CFAP299: variants seen among roughly 807,000 people sequenced by gnomAD.
The protein encoded by CFAP299 is cilia- and flagella-associated protein 299.
A neutral mutation model predicts 27.0 loss-of-function variants in CFAP299; 21 were observed. The observed-to-expected ratio is 0.78, with a 90% CI of 0.55 to 1.12. CFAP299 has a LOEUF of 1.12. CFAP299 is among the 50% of genes most tolerant of loss of function. The pLI is 0.00. For missense variants in CFAP299, 310 were observed against 276.6 expected (o/e 1.12, Z -0.86); for synonymous variants, 104 against 98.1 (o/e 1.06, Z -0.36).
At chr4:80,782,781 T>C (rs920579257) in intron 3 of CFAP299, among the ~76,000 whole-genome samples, 2 of 147,688 alleles carry the variant, frequency 1.4e-5, no homozygotes, top group Admixed American at 6.9e-5. Flanking sequence ...TCATATATAA[T>C]ATACATATAT....
chr4:80,911,075 T>A (rs1735447347), intron 4 of CFAP299, among the ~76,000 whole-genome samples: 1 of 152,094 alleles, frequency 6.6e-6, no homozygotes, highest in African/African-American at 2.4e-5. Context: ...AGTACTTATA[T>A]TTTAATGTAT....
intron 2 of CFAP299, among the ~76,000 whole-genome samples, chr4:80,409,439 C>G (rs1281082751): frequency 6.6e-6 from 1 of 152,062 alleles, no homozygotes; most frequent in Non-Finnish European, 1.5e-5. Context: ...ATAAAGTTTC[C>G]CATACATTTT....
chr4:80,644,773 T>G (rs951086478), intron 3 of CFAP299, among the ~76,000 whole-genome samples: 1 of 152,174 alleles, frequency 6.6e-6, no homozygotes, highest in Non-Finnish European at 1.5e-5. Flanking sequence ...TTGTCCCATG[T>G]GTGACTCCAA....
At chr4:80,759,671 G>A (rs974779558) in intron 3 of CFAP299, among the ~76,000 whole-genome samples, 3 of 152,086 alleles carry the variant, frequency 2.0e-5, no homozygotes, top group African/African-American at 7.2e-5. Context: ...TTATTTTGTT[G>A]TTGTTAGAGT....
chr4:80,437,646 A>C lies in CFAP299; in HGVS notation c.242+74762A>C, dbSNP rs150096160. On this transcript the variant is annotated intron_variant, in intron 2 of 5. Transcript: ENST00000358105. ...CACTATCTCCATCTACCAGAGTTATAAGATACATCTTCCAAGGCTGGTCAC... is the reference window on the plus strand; with the variant it reads ...CACTATCTCCATCTACCAGAGTTATCAGATACATCTTCCAAGGCTGGTCAC... Among the ~76,000 whole-genome samples, 722 of 152,284 alleles carry C rather than the reference A, an allele frequency of 4.7e-3. 2 individuals are homozygous for C. Among genetic ancestry groups the C allele is most frequent in the Middle Eastern group, 0.014 (4 of 294 alleles).
chr4:80,861,862 T>C (rs1170757776), intron 3 of CFAP299, among the ~76,000 whole-genome samples: 2 of 152,170 alleles, frequency 1.3e-5, no homozygotes, highest in Non-Finnish European at 2.9e-5. Flanking sequence ...GATCAACTTA[T>C]TGAACTGTCT....
chr4:80,370,594 A>G (rs1353366596), intron 2 of CFAP299, among the ~76,000 whole-genome samples: 1 of 152,232 alleles, frequency 6.6e-6, no homozygotes, highest in Non-Finnish European at 1.5e-5. Context: ...AAATCGGCCA[A>G]AAGAAAGGGG....
intron 3 of CFAP299, among the ~76,000 whole-genome samples, chr4:80,744,589 T>G (rs1724478421): frequency 6.6e-6 from 1 of 152,128 alleles, no homozygotes; most frequent in Non-Finnish European, 1.5e-5. Context: ...TCATCTTTTT[T>G]TTTTAAAGGT....
intron 3 of CFAP299, among the ~76,000 whole-genome samples, chr4:80,657,488 C>G (rs1177771225): frequency 6.6e-6 from 1 of 152,062 alleles, no homozygotes; most frequent in Non-Finnish European, 1.5e-5. Flanking sequence ...ATAGGGAATC[C>G]TTTCCCCATT....
chr4:80,721,068 A>T (rs1722782636), intron 3 of CFAP299, among the ~76,000 whole-genome samples: 1 of 152,188 alleles, frequency 6.6e-6, no homozygotes, highest in Non-Finnish European at 1.5e-5. Flanking sequence ...AATTAAACAC[A>T]GAAGAGAATA....
In CFAP299 at chr4:80,335,890, A is replaced by T. The variant is rs1290820903; in HGVS notation, c.111+11A>T. On this transcript the variant is annotated intron_variant, in intron 1 of 5. Coordinates refer to ENST00000358105, the MANE Select transcript of CFAP299 (RefSeq NM_152770.3). ...TTGTACTACCTGGAGGTAAGGGCGG[A>T]GCGCGGCAGAGTAGCCGCCGCCGCG... The T allele has an allele frequency of 6.5e-7, 1 of 1,535,798 alleles. No homozygotes were observed. The highest frequency in any genetic ancestry group is 1.1e-5 in the South Asian group (1 of 89,536).
At chr4:80,590,132 A>G (rs537945861) in intron 3 of CFAP299, among the ~76,000 whole-genome samples, 17 of 152,188 alleles carry the variant, frequency 1.1e-4, no homozygotes, top group Non-Finnish European at 2.1e-4. Flanking sequence ...ATTTATATCA[A>G]CATAGGATCA....
chr4:80,558,703 A>G (rs1435455155), intron 2 of CFAP299, among the ~76,000 whole-genome samples: 1 of 152,074 alleles, frequency 6.6e-6, no homozygotes, highest in Non-Finnish European at 1.5e-5. Flanking sequence ...AAAACTTCTA[A>G]ATTCATTTTT....
chr4:80,895,483 G>A (rs1578220203), intron 4 of CFAP299, among the ~76,000 whole-genome samples: 1 of 151,780 alleles, frequency 6.6e-6, no homozygotes, highest in Non-Finnish European at 1.5e-5. Context: ...GAAAAGTCAG[G>A]TTATTTGTTT....
At chr4:80,855,656 G>A (rs1731820440) in intron 3 of CFAP299, among the ~76,000 whole-genome samples, 2 of 152,056 alleles carry the variant, frequency 1.3e-5, no homozygotes, top group African/African-American at 4.8e-5. Flanking sequence ...AATATGCGGT[G>A]TTTAGTTTTT....
At chr4:80,659,362 C>T (rs921395411) in intron 3 of CFAP299, among the ~76,000 whole-genome samples, 3 of 151,522 alleles carry the variant, frequency 2.0e-5, no homozygotes, top group Admixed American at 6.6e-5. Flanking sequence ...AAAAGAACTA[C>T]ACACTGAGAG....
rs147540922 is a variant in CFAP299 at position 80,347,597 on chromosome 4, G to A, written c.111+11718G>A. Among the ~76,000 whole-genome samples, 1,190 of 152,240 alleles carry A rather than the reference G, an allele frequency of 7.8e-3. 14 individuals are homozygous for A. The highest frequency in any genetic ancestry group is 0.027 in the African/African-American group (1,105 of 41,526). On this transcript the variant is annotated intron_variant, in intron 1 of 5. Transcript: ENST00000358105. ...AAGGAAAGTGAAGGACCTCTTCAAGGAGAACTACAAACCTCTGCTCAAGGA... is the reference window on the plus strand; with the variant it reads ...AAGGAAAGTGAAGGACCTCTTCAAGAAGAACTACAAACCTCTGCTCAAGGA...
At chr4:80,705,517 T>C (rs1721769226) in intron 3 of CFAP299, among the ~76,000 whole-genome samples, 1 of 151,840 alleles carries the variant, frequency 6.6e-6, no homozygotes, top group Admixed American at 6.6e-5. Flanking sequence ...TTTAATCTTG[T>C]CGTGTGTCCA....
intron 3 of CFAP299, chr4:80,790,546 T>C (rs955160182): frequency 3.3e-5 from 5 of 151,976 alleles, no homozygotes; most frequent in African/African-American, 1.2e-4. Flanking sequence ...AGTGCCTTTA[T>C]AAGAAGAGCC....
Sources: allele counts gnomAD v4.1 joint callset (sites outside exome capture counted in the v4.1 genomes callset), GRCh38; gene constraint gnomAD v4.1.1; transcripts MANE v1.5; gene names NCBI Gene and HGNC (gene_info 2026-07-23, HGNC 2026-07-21).